ZNF644: variants seen among roughly 807,000 people sequenced by gnomAD.
ZNF644 encodes zinc finger protein 644.
A neutral mutation model predicts 108.0 loss-of-function variants in ZNF644; 20 were observed. The ratio of observed to expected loss-of-function variants is 0.19; its 90% CI spans 0.13 to 0.27. The LOEUF is 0.27. Among genes scored for constraint, ZNF644 ranks in the 10% least tolerant of loss-of-function variants. The pLI is 1.00. For synonymous variants in ZNF644, 542 were observed against 539.1 expected, an observed-to-expected ratio of 1.01 and a Z score of -0.08; for missense variants, 1,338 against 1,548.9, an observed-to-expected ratio of 0.86 and a Z score of 2.29.
chr1:90,982,243 A>T, intron 2 of ZNF644, 67 bp downstream of exon 2: 1 of 1,345,158 alleles, frequency 7.4e-7, no homozygotes, highest in South Asian at 1.2e-5. Context: ...CCACATTTTT[A>T]AGACATAATT....
At chr1:90,990,188 CAG>C (rs1657503890) in intron 1 of ZNF644, among the ~76,000 whole-genome samples, 1 of 152,276 alleles carries the variant, frequency 6.6e-6, no homozygotes, top group East Asian at 1.9e-4. Context: ...TTAACAGACA[CAG>C]AGTTTCTCTT....
chr1:90,972,852 G>C (rs1012248547), intron 2 of ZNF644: 7 of 152,128 alleles, frequency 4.6e-5, no homozygotes, highest in African/African-American at 1.7e-4. Context: ...TGTGAAATAA[G>C]CCAGTCACAA....
At chr1:91,008,013 T>C (rs1011481064) in intron 1 of ZNF644, among the ~76,000 whole-genome samples, 4 of 152,206 alleles carry the variant, frequency 2.6e-5, no homozygotes, top group African/African-American at 7.2e-5. Context: ...TCTCAGCAGT[T>C]TGCTGTCACA....
At chr1:90,966,913 A>G (rs1557608719) in intron 2 of ZNF644, among the ~76,000 whole-genome samples, 1 of 152,006 alleles carries the variant, frequency 6.6e-6, no homozygotes, top group Non-Finnish European at 1.5e-5. Context: ...TTTTTTGTTC[A>G]TTATCATAAG....
intron 2 of ZNF644, among the ~76,000 whole-genome samples, chr1:90,976,769 T>C (rs2101403260): frequency 6.6e-6 from 1 of 152,208 alleles, no homozygotes; most frequent in East Asian, 1.9e-4. Context: ...AGATATACAG[T>C]TGACCCTTCA....
intron 1 of ZNF644, among the ~76,000 whole-genome samples, chr1:91,005,225 T>C (rs1366961768): frequency 6.6e-6 from 1 of 152,052 alleles, no homozygotes; most frequent in East Asian, 1.9e-4. Flanking sequence ...GACAAAAAAT[T>C]GCTACTACAG....
At chr1:90,942,646 T>C (rs1395757535) in intron 2 of ZNF644, among the ~76,000 whole-genome samples, 1 of 152,202 alleles carries the variant, frequency 6.6e-6, no homozygotes, top group Non-Finnish European at 1.5e-5. Context: ...AAAAACAGTT[T>C]TGTTCCTATG....
intron 1 of ZNF644, among the ~76,000 whole-genome samples, chr1:91,014,987 A>C (rs1660309283): frequency 6.6e-6 from 1 of 152,202 alleles, no homozygotes; most frequent in Admixed American, 6.5e-5. Context: ...AGGATTATTA[A>C]AAGAATATAG....
chr1:91,018,690 C>G (rs1438714117), intron 1 of ZNF644, among the ~76,000 whole-genome samples: 1 of 152,126 alleles, frequency 6.6e-6, no homozygotes, highest in Non-Finnish European at 1.5e-5. Context: ...AGAATCACAT[C>G]CTGAGAAAAT....
chr1:90,969,089 T>C (rs1655210944), intron 2 of ZNF644, among the ~76,000 whole-genome samples: 1 of 152,212 alleles, frequency 6.6e-6, no homozygotes, highest in African/African-American at 2.4e-5. Flanking sequence ...AATGCAATGT[T>C]ACAGATTGAA....
At chr1:91,005,395 C>T (rs1227256708) in intron 1 of ZNF644, among the ~76,000 whole-genome samples, 1 of 152,086 alleles carries the variant, frequency 6.6e-6, no homozygotes, top group Non-Finnish European at 1.5e-5. Flanking sequence ...AACCTTAATA[C>T]TTCACATTCA....
In ZNF644 at chr1:90,937,677, T is replaced by C. The variant is rs1323433034; in HGVS notation, c.3496A>G (p.Asn1166Asp). ...TKPELPSGKK[N>D]QSLTLIELLK... ...AGTTCTATGAGTGTAAGAGACTGATTCTTTTTCCCACTGGGCAGTTCTGGT... is the reference window on the plus strand; with the variant it reads ...AGTTCTATGAGTGTAAGAGACTGATCCTTTTTCCCACTGGGCAGTTCTGGT... The change falls in exon 4 of 6, where the codon AAT becomes GAT. Residue 1166 changes from asparagine to aspartate, a missense_variant. Asn to Asp is a conservative substitution (Grantham distance 23, BLOSUM62 1). Transcript: ENST00000337393. 1 of 1,613,896 alleles carries C rather than the reference T, an allele frequency of 6.2e-7. No individual in the cohort carries two copies. Among genetic ancestry groups the C allele is most frequent in the Non-Finnish European group, 8.5e-7 (1 of 1,179,926 alleles).
intron 1 of ZNF644, 147 bp downstream of exon 1, chr1:91,021,843 C>T (rs1222865229): frequency 2.5e-6 from 1 of 397,426 alleles, no homozygotes; most frequent in Non-Finnish European, 4.4e-6. Flanking sequence ...TGGGACCCAG[C>T]CTAGGGCGTA....
chr1:90,933,044 T>C (rs959947587), intron 4 of ZNF644, among the ~76,000 whole-genome samples: 3 of 152,208 alleles, frequency 2.0e-5, no homozygotes, highest in Non-Finnish European at 2.9e-5. Flanking sequence ...CTACATTACT[T>C]TTCTCTCTGA....
At chr1:90,948,344 A>G (rs1019158398) in intron 2 of ZNF644, among the ~76,000 whole-genome samples, 1 of 152,228 alleles carries the variant, frequency 6.6e-6, no homozygotes, top group African/African-American at 2.4e-5. Context: ...GGCACATTAT[A>G]GTATGCACAA....
intron 2 of ZNF644, among the ~76,000 whole-genome samples, chr1:90,961,159 T>C (rs1654300761): frequency 6.6e-6 from 1 of 152,100 alleles, no homozygotes; most frequent in Non-Finnish European, 1.5e-5. Flanking sequence ...GTGGCTAAAA[T>C]ATATATGGAA....
chr1:90,979,434 T>C (rs1048869654), intron 2 of ZNF644, among the ~76,000 whole-genome samples: 3 of 152,122 alleles, frequency 2.0e-5, no homozygotes, highest in African/African-American at 7.2e-5. Flanking sequence ...GACTGTGCCA[T>C]TGCATTCCCA....
At chr1:90,997,368 C>A (rs1570539583) in intron 1 of ZNF644, among the ~76,000 whole-genome samples, 1 of 152,182 alleles carries the variant, frequency 6.6e-6, no homozygotes, top group South Asian at 2.1e-4. Context: ...CATTAGCTGA[C>A]CACTAAGCCA....
intron 4 of ZNF644, among the ~76,000 whole-genome samples, chr1:90,928,319 A>ATTTT (rs58051560): frequency 0.01 from 998 of 95,826 alleles, 18 homozygotes; most frequent in African/African-American, 0.037. Flanking sequence ...CACTGGGCTG[A>ATTTT]TTTTTTTTTT....
Sources: allele counts gnomAD v4.1 joint callset (sites outside exome capture counted in the v4.1 genomes callset), GRCh38; gene constraint gnomAD v4.1.1; transcripts MANE v1.5; gene names NCBI Gene and HGNC (gene_info 2026-07-23, HGNC 2026-07-21).